Variants in PIP5K1C observed in about 807,000 individuals in gnomAD.
PIP5K1C encodes phosphatidylinositol-4-phosphate 5-kinase type 1 gamma, also known as phosphatidylinositol 4-phosphate 5-kinase type-1 gamma.
In PIP5K1C, 45 loss-of-function variants were observed where a neutral mutation model predicts 80.1. That is an observed-to-expected ratio of 0.56 (90% CI 0.44 to 0.72). The LOEUF (loss-of-function observed/expected upper bound fraction) is 0.72, where lower values mean the gene tolerates loss of function less well. Among genes scored for constraint, PIP5K1C ranks in the 30% least tolerant of loss-of-function variants. The pLI, the probability that PIP5K1C is intolerant of heterozygous loss-of-function variation, is 0.00. For synonymous variants in PIP5K1C, 498 were observed against 420.1 expected, an observed-to-expected ratio of 1.19 and a Z score of -2.27; for missense variants, 753 against 954.6, an observed-to-expected ratio of 0.79 and a Z score of 2.78.
Position 3,637,913 on chromosome 19 carries a change from G to A in PIP5K1C, c.1920+971C>T. On this transcript the variant is annotated intron_variant, in intron 16 of 17. Transcript: ENST00000335312. The surrounding 1 kb of genome is among the most constrained non-coding windows in gnomAD (Gnocchi z 7.0). ...GCGCACAAACCAGTCCCAGGAAAAG[G>A]GGTGACGACGTGCGGTGGGTAGGGG... 2 of 1,535,374 alleles carry A rather than the reference G, an allele frequency of 1.3e-6. No homozygotes were observed. Among genetic ancestry groups the A allele is most frequent in the Non-Finnish European group, 1.7e-6 (2 of 1,146,702 alleles).
chr19:3,697,225 C>T lies in PIP5K1C; in HGVS notation c.94+3072G>A, dbSNP rs1038339456. 6.9e-5 allele frequency among the ~76,000 whole-genome samples: 10 copies of T among 145,340 alleles called. No homozygotes were observed. In the South Asian group the frequency reaches 9.0e-4, roughly 13 times the overall value. On this transcript the variant is annotated intron_variant, in intron 1 of 17. Transcript: ENST00000335312. ...CGGATGGAGGAGGACTAAGCTGGAC[C>T]GGGGAGGACCGAGCTGGACCCGGGA... is the stretch of plus-strand genomic sequence containing the variant.
chr19:3,678,475 T>A (rs144527506), intron 1 of PIP5K1C, among the ~76,000 whole-genome samples: 5 of 51,754 alleles, frequency 9.7e-5, no homozygotes, highest in Non-Finnish European at 1.9e-4. Context: ...GATGGAGGGA[T>A]GGAGGAGGGA....
In PIP5K1C at chr19:3,648,238, G is replaced by T. The variant is rs1259551390; in HGVS notation, c.1211+387C>A. On this transcript the variant is annotated intron_variant, in intron 9 of 17. Transcript: ENST00000335312. The surrounding 1 kb of genome is among the most constrained non-coding windows in gnomAD (Gnocchi z 4.3). ...GGGTCTTGCTATGTTGCCCAGGCTG[G>T]TCTCAAACTCCTGGGCTCAAGCAAT... 6.6e-6 allele frequency among the ~76,000 whole-genome samples: 1 copy of T among 152,068 alleles called. No homozygotes were observed. The highest frequency in any genetic ancestry group is 1.5e-5 in the Non-Finnish European group (1 of 67,994).
intron 1 of PIP5K1C, among the ~76,000 whole-genome samples, chr19:3,689,951 T>A (rs1215353068): frequency 6.6e-6 from 1 of 152,164 alleles, no homozygotes; most frequent in Non-Finnish European, 1.5e-5. Context: ...TTCTATAGGC[T>A]GGAAAGCTTT....
rs1254060865 is a variant in PIP5K1C at position 3,641,755 on chromosome 19, C to T, written c.1737G>A (p.Val579=). 1.9e-6 allele frequency: 3 copies of T among 1,611,846 alleles called. No individual in the cohort carries two copies. The highest frequency in any genetic ancestry group is 1.7e-6 in the Non-Finnish European group (2 of 1,179,978). Residue 579 remains valine (V), a synonymous_variant, in exon 15 of 18, where the codon GTG becomes GTA. Transcript: ENST00000335312. ...EEDLQQITVQ[V]EPACSVEIVV... ...CAATCTCCACGCTGCACGCAGGCTC[C>T]ACCTGCACTGTAATCTGCTGCAGAT...
At chr19:3,643,428 A>G in intron 12 of PIP5K1C, 47 bp from the exon 13 acceptor site, 3 of 1,609,100 alleles carry the variant, frequency 1.9e-6, no homozygotes, top group Non-Finnish European at 1.7e-6. Context: ...CCGAGCCCCC[A>G]AACACACAGT....
intron 1 of PIP5K1C, among the ~76,000 whole-genome samples, chr19:3,669,470 G>A (rs1418343681): frequency 6.6e-6 from 1 of 152,222 alleles, no homozygotes; most frequent in Non-Finnish European, 1.5e-5. Context: ...CAGGGGTGGG[G>A]ACCCGGCTGG....
rs60438258 is a variant in PIP5K1C, at chr19:3,651,055, G to GTTTTT, written c.1127+766_1127+770dup. Among the ~76,000 whole-genome samples the GTTTTT allele has an allele frequency of 6.0e-3, 763 of 127,242 alleles. 20 individuals are homozygous for GTTTTT. The highest frequency in any genetic ancestry group is 0.022 in the African/African-American group (706 of 32,652). 83.5% of individuals were successfully genotyped at this position (127,242 alleles called of 152,430 possible). On this transcript the variant is annotated intron_variant, in intron 8 of 17. Transcript: ENST00000335312. ...ACAGGTGTGAGCCACCGCGCCCAGC[G>GTTTTT]TTTTTTTTTTTTTTTTTAAGACAGG...
rs1314220473 is a variant in PIP5K1C, at chr19:3,700,310, G to A, written c.81C>T (p.Ser27=). ...VPSEAAWAAE[S]GAAAGLAQKK... ...CCGGGCCGTTACCTGCCGCCGCCCC[G>A]CTCTCTGCCGCCCACGCCGCCTCCG... The change falls in exon 1 of 18, where the codon AGC becomes AGT. Residue 27 remains serine, a synonymous_variant. Transcript: ENST00000335312. 6 of 1,285,912 alleles carry A rather than the reference G, an allele frequency of 4.7e-6. No individual in the cohort carries two copies. The highest frequency in any genetic ancestry group is 3.1e-5 in the South Asian group (2 of 64,798). 79.7% of individuals were successfully genotyped at this position (1,285,912 alleles called of 1,614,324 possible).
chr19:3,642,150 G>A lies in PIP5K1C; in HGVS notation c.1683-341C>T, dbSNP rs550752507. Among the ~76,000 whole-genome samples, 130 of 152,346 alleles carry A rather than the reference G, an allele frequency of 8.5e-4. 1 individual carries two copies. Among genetic ancestry groups the A allele is most frequent in the African/African-American group, 3.0e-3 (126 of 41,568 alleles). On this transcript the variant is annotated intron_variant, in intron 14 of 17. Transcript: ENST00000335312. Reference sequence around the variant, plus strand: ...CAAGTGACTCAGTGTCCCGGCCGCCGGGCCTGGCCATGTAACATGTCTCTC... The same window carrying A: ...CAAGTGACTCAGTGTCCCGGCCGCCAGGCCTGGCCATGTAACATGTCTCTC...
chr19:3,649,139 G>A (rs1324929338), intron 8 of PIP5K1C, among the ~76,000 whole-genome samples: 1 of 33,634 alleles, frequency 3.0e-5, no homozygotes, highest in Non-Finnish European at 5.2e-5. Context: ...TGCCCAGCGC[G>A]GGAGTTAACT....
At chr19:3,662,996 G>A (rs1326604920) in intron 3 of PIP5K1C, among the ~76,000 whole-genome samples, 4 of 152,022 alleles carry the variant, frequency 2.6e-5, no homozygotes, top group Admixed American at 6.6e-5. Flanking sequence ...CAAGAGCTGG[G>A]ATTACAGGCA....
chr19:3,637,000 C>A, intron 16 of PIP5K1C: 1 of 1,040,594 alleles, frequency 9.6e-7, no homozygotes. Context: ...TCCCAGGCTC[C>A]CAGGGGAGCC....
chr19:3,656,820 G>A (rs532399671), intron 5 of PIP5K1C, among the ~76,000 whole-genome samples: 9 of 152,330 alleles, frequency 5.9e-5, no homozygotes, highest in East Asian at 1.9e-4. Context: ...CCTTAGGAGC[G>A]GACACCTGAT....
chr19:3,666,185 G>A (rs1370380796), intron 2 of PIP5K1C, among the ~76,000 whole-genome samples: 1 of 152,240 alleles, frequency 6.6e-6, no homozygotes, highest in Non-Finnish European at 1.5e-5. Context: ...CGGACGCAGG[G>A]CCAAGGGTGG....
At chr19:3,647,817 C>T (rs1398452495) in intron 9 of PIP5K1C, among the ~76,000 whole-genome samples, 3 of 152,164 alleles carry the variant, frequency 2.0e-5, no homozygotes, top group Non-Finnish European at 4.4e-5. Context: ...CGTGCTGGCG[C>T]GTGCCAGTAA....
intron 10 of PIP5K1C, among the ~76,000 whole-genome samples, chr19:3,646,438 A>C (rs1017277397): frequency 2.6e-5 from 4 of 151,706 alleles, no homozygotes. Context: ...CCAGAATGCA[A>C]CCTCCTTTCC....
In PIP5K1C at chr19:3,648,766, G is replaced by GCGGGGCTGGGGACTC. The variant is rs1342468939; in HGVS notation, c.1128-73_1128-59dup. ...CCCGCAGAGCTGGGACTCGGGGCAG[G>GCGGGGCTGGGGACTC]CGGGGCTGGGGACTCCAGGGCTAGG... On this transcript the variant is annotated intron_variant, in intron 8 of 17. Coordinates refer to ENST00000335312, the MANE Select transcript of PIP5K1C (RefSeq NM_012398.3). This position sits in a 1 kb window ranked among gnomAD's most constrained non-coding sequence, Gnocchi z 4.3. The GCGGGGCTGGGGACTC allele has an allele frequency of 6.7e-7, 1 of 1,482,808 alleles. No individual in the cohort carries two copies. Among genetic ancestry groups the GCGGGGCTGGGGACTC allele is most frequent in the East Asian group, 2.3e-5 (1 of 44,124 alleles). The allele number at this position is 1,482,808 out of a possible 1,614,324, so 91.9% of individuals were successfully genotyped here. A position where few individuals can be genotyped will look rare whatever the true frequency, so the allele number is the denominator to read the frequency against.
rs1294412654 is a variant in PIP5K1C at position 3,667,350 on chromosome 19, A to C, written c.98T>G (p.Leu33Trp). 1.2e-6 allele frequency: 2 copies of C among 1,612,826 alleles called. No individual in the cohort carries two copies. The highest frequency in any genetic ancestry group is 1.7e-6 in the Non-Finnish European group (2 of 1,179,902). The change falls in exon 2 of 18, where the codon TTG becomes TGG. Residue 33 changes from leucine to tryptophan, a missense_variant. Physicochemically the swap from Leu to Trp is moderately conservative, Grantham distance 61 (BLOSUM62 -2). Coordinates refer to ENST00000335312, the MANE Select transcript of PIP5K1C (RefSeq NM_012398.3). ...WAAESGAAAG[L>W]AQKKAAPTEV... ...TGTTGGGGCCGCCTTCTTCTGAGCC[A>C]AACCTGCAGAAGAGACAAGCTGGGT...
Sources: gnomAD v4.1 joint callset for allele counts (sites outside exome capture counted in the v4.1 genomes callset) on GRCh38, gnomAD v4.1.1 for gene constraint, Gnocchi (gnomAD v3.1) non-coding constraint, MANE v1.5 for transcripts, NCBI Gene and HGNC (gene_info 2026-07-23, HGNC 2026-07-21) for gene names.